PGM2L1: variants seen among roughly 807,000 people sequenced by gnomAD.
The protein encoded by PGM2L1 is glucose 1,6-bisphosphate synthase.
In PGM2L1, 35 loss-of-function variants were observed where a neutral mutation model predicts 73.4. That is an observed-to-expected ratio of 0.48 (90% CI 0.36 to 0.63). PGM2L1 has a LOEUF of 0.63. Among genes scored for constraint, PGM2L1 ranks in the 30% least tolerant of loss-of-function variants. The probability of loss-of-function intolerance (pLI) is 0.00; values close to 1 mark genes in which losing one functional copy is unlikely to be tolerated. For synonymous variants in PGM2L1, 225 were observed against 253.8 expected (o/e 0.89, Z 1.08); for missense variants, 570 against 742.0 (o/e 0.77, Z 2.69).
chr11:74,384,280 C>A (rs1304868127), intron 1 of PGM2L1, among the ~76,000 whole-genome samples: 1 of 152,040 alleles, frequency 6.6e-6, no homozygotes, highest in African/African-American at 2.4e-5. Flanking sequence ...TGTATTTCTT[C>A]AGCTTCAGAA....
At chr11:74,394,847 A>G (rs1379834810) in intron 1 of PGM2L1, among the ~76,000 whole-genome samples, 1 of 152,192 alleles carries the variant, frequency 6.6e-6, no homozygotes, top group East Asian at 1.9e-4. Context: ...CCTCTAATCA[A>G]TTTAAAACTT....
chr11:74,363,747 G>A (rs1354287588), intron 5 of PGM2L1, among the ~76,000 whole-genome samples: 3 of 152,110 alleles, frequency 2.0e-5, no homozygotes, highest in South Asian at 4.1e-4. Context: ...AAAAGTCCAG[G>A]ACCAGACGGA....
chr11:74,353,387 G>A (rs1294169835), intron 5 of PGM2L1, among the ~76,000 whole-genome samples: 1 of 151,430 alleles, frequency 6.6e-6, no homozygotes, highest in African/African-American at 2.4e-5. Context: ...CTCGGAGAGG[G>A]GGATTTGGCA....
Position 74,351,478 on chromosome 11 carries a change from A to G in PGM2L1, c.654T>C (p.Asn218=). 1.2e-6 allele frequency: 2 copies of G among 1,614,028 alleles called. No homozygotes were observed. Among genetic ancestry groups the G allele is most frequent in the Non-Finnish European group, 1.7e-6 (2 of 1,179,942 alleles). The change falls in exon 6 of 14, where the codon AAT becomes AAC. Residue 218 remains asparagine (N), a synonymous_variant. Transcript: ENST00000298198. The part of the protein sequence containing the change: ...ECVEPWNGSW[N]DNLVDTSPLK... ...GCGGGCTGGTATCCACTAAATTATC[A>G]TTCCAGGAACCATTCCAGGGTTCCA...
rs1387005480 is a variant in PGM2L1 at position 74,334,299 on chromosome 11, C to G, written c.*2353G>C. On this transcript the variant is annotated 3_prime_UTR_variant, in exon 14 of 14. Transcript: ENST00000298198. ...TCATTTTAGCTTCATTTTTGTTTAT[C>G]AGTCACTGAAACACAGAACTAAACC... The G allele has an allele frequency of 1.3e-5, 2 of 152,166 alleles. No homozygotes were observed. The highest frequency in any genetic ancestry group is 3.8e-4 in the East Asian group (2 of 5,196). 9.4% of individuals were successfully genotyped at this position (152,166 alleles called of 1,614,324 possible).
chr11:74,379,254 C>T (rs1862903359), intron 1 of PGM2L1, among the ~76,000 whole-genome samples: 1 of 152,118 alleles, frequency 6.6e-6, no homozygotes, highest in Admixed American at 6.6e-5. Context: ...CTGCCAGGCT[C>T]TTCAACAATC....
chr11:74,355,131 G>C, intron 5 of PGM2L1: 9 of 1,340,516 alleles, frequency 6.7e-6, no homozygotes, highest in Non-Finnish European at 9.5e-6. Context: ...TGGTGGCTTT[G>C]GTGGCAGCCA....
chr11:74,374,667 A>C, intron 1 of PGM2L1, 85 bp from the exon 2 acceptor site: 27 of 1,147,962 alleles, frequency 2.4e-5, no homozygotes, highest in Non-Finnish European at 3.3e-5. Flanking sequence ...ATATGTACAT[A>C]TCACAAGGTT....
intron 5 of PGM2L1, among the ~76,000 whole-genome samples, chr11:74,353,879 C>CAGACGGGCCCCCCACCTCCCCGA (rs1318579258): frequency 6.8e-6 from 1 of 147,936 alleles, no homozygotes; most frequent in Admixed American, 6.8e-5. Flanking sequence ...GGCTGCCGGG[C>CAGACGGGCCCCCCACCTCCCCGA]GGGGGCTGAA....
At chr11:74,353,209 T>A (rs1381300580) in intron 5 of PGM2L1, among the ~76,000 whole-genome samples, 1 of 152,178 alleles carries the variant, frequency 6.6e-6, no homozygotes, top group Non-Finnish European at 1.5e-5. Context: ...GTATTGAATA[T>A]TTTAATATCC....
At chr11:74,350,968 C>T (rs1862343018) in intron 6 of PGM2L1, among the ~76,000 whole-genome samples, 1 of 152,104 alleles carries the variant, frequency 6.6e-6, no homozygotes, top group Non-Finnish European at 1.5e-5. Flanking sequence ...CTATAGCTTC[C>T]AGCCCCCAAC....
In PGM2L1 at chr11:74,330,334, T is replaced by C. The variant is rs1365987769; in HGVS notation, c.*6318A>G. The C allele has an allele frequency of 2.0e-5, 3 of 152,654 alleles. No individual in the cohort carries two copies. Among genetic ancestry groups the C allele is most frequent in the African/African-American group, 7.2e-5 (3 of 41,450 alleles). 9.5% of individuals were successfully genotyped at this position (152,654 alleles called of 1,614,324 possible). ...ACTCATGCCTATGAAGAGACCTGTT[T>C]ATTACTGATAACACTTCATTTGGCT... is the stretch of plus-strand genomic sequence containing the variant. On this transcript the variant is annotated 3_prime_UTR_variant, in exon 14 of 14. Transcript: ENST00000298198.
intron 5 of PGM2L1, among the ~76,000 whole-genome samples, chr11:74,367,669 CA>C (rs879845382): frequency 2.0e-5 from 3 of 152,170 alleles, no homozygotes; most frequent in Non-Finnish European, 4.4e-5. Context: ...TGGTGACCCA[CA>C]ACTCTATAAC....
chr11:74,398,248 A>G lies in PGM2L1; in HGVS notation c.-87T>C, dbSNP rs559404775. On this transcript the variant is annotated 5_prime_UTR_variant, in exon 1 of 14. Transcript: ENST00000298198. ...GCTTGGGGTTCGCTCACCAGGGTCC[A>G]GGCGTCCCCACCTCACTGAAGGGCA... is the stretch of plus-strand genomic sequence containing the variant. The G allele has an allele frequency of 5.4e-6, 8 of 1,491,678 alleles. No individual in the cohort carries two copies. The African/African-American group carries it at 6.9e-5, about 13-fold the overall frequency. The allele number at this position is 1,491,678 out of a possible 1,614,324, so 92.4% of individuals were successfully genotyped here. A position where few individuals can be genotyped will look rare whatever the true frequency, so the allele number is the denominator to read the frequency against.
At chr11:74,356,089 A>G (rs1345781516) in intron 5 of PGM2L1, among the ~76,000 whole-genome samples, 1 of 151,342 alleles carries the variant, frequency 6.6e-6, no homozygotes, top group African/African-American at 2.4e-5. Flanking sequence ...AAGTTAGTCT[A>G]TGCTGAAGCC....
chr11:74,371,727 T>G lies in PGM2L1; in HGVS notation c.370A>C (p.Ser124Arg). 1.2e-6 allele frequency: 2 copies of G among 1,613,452 alleles called. No homozygotes were observed. Among genetic ancestry groups the G allele is most frequent in the Non-Finnish European group, 1.7e-6 (2 of 1,179,388 alleles). Residue 124 changes from serine (S) to arginine (R), a missense_variant, in exon 3 of 14, where the codon AGC becomes CGC. By Grantham distance (110) the Ser-to-Arg change is moderately radical. Coordinates refer to ENST00000298198, the MANE Select transcript of PGM2L1 (RefSeq NM_173582.6). ...ACTTTGTACCTCTGGCTGCTGCAGC[T>G]GCTAGTTACTTGACCCCGAGTGTCA... ...GYDTRGQVTSSCSSQRLAKLT... is the reference protein window; with the variant it reads ...GYDTRGQVTSRCSSQRLAKLT...
chr11:74,341,816 T>A (rs1481226552), intron 12 of PGM2L1, among the ~76,000 whole-genome samples: 1 of 152,118 alleles, frequency 6.6e-6, no homozygotes, highest in Non-Finnish European at 1.5e-5. Flanking sequence ...TAGCTTCTCC[T>A]TAATTATATG....
At chr11:74,376,600 T>C (rs1862858302) in intron 1 of PGM2L1, among the ~76,000 whole-genome samples, 1 of 151,778 alleles carries the variant, frequency 6.6e-6, no homozygotes, top group South Asian at 2.1e-4. Context: ...CATATATGTA[T>C]GTATATATAC....
chr11:74,366,059 G>T (rs1862651234), intron 5 of PGM2L1, among the ~76,000 whole-genome samples: 8 of 152,178 alleles, frequency 5.3e-5, no homozygotes, highest in Admixed American at 5.2e-4. Flanking sequence ...CATGTCCTTT[G>T]TAGGGACATG....
Sources: allele counts gnomAD v4.1 joint callset (sites outside exome capture counted in the v4.1 genomes callset), GRCh38; gene constraint gnomAD v4.1.1; transcripts MANE v1.5; gene names NCBI Gene and HGNC (gene_info 2026-07-23, HGNC 2026-07-21).